The following AKR1C3 variants were observed in gnomAD, a reference collection of about 807,000 sequenced individuals.
AKR1C3 encodes 3-alpha hydroxysteroid dehydrogenase, type II.
AKR1C3 carries 48 observed loss-of-function variants against 43.6 expected under a neutral mutation model. That is an observed-to-expected ratio of 1.10 (90% CI 0.87 to 1.40). AKR1C3 has a LOEUF of 1.40. AKR1C3 is among the 40% of genes most tolerant of loss of function. The probability of loss-of-function intolerance (pLI) is 0.00; values close to 1 mark genes in which losing one functional copy is unlikely to be tolerated. For synonymous variants in AKR1C3, 162 were observed against 139.6 expected, an observed-to-expected ratio of 1.16 and a Z score of -1.13; for missense variants, 482 against 391.2, an observed-to-expected ratio of 1.23 and a Z score of -1.96.
At position 5,085,605 on chromosome 10, in the gene AKR1C3, G is replaced by T. The variant is rs181654472; in HGVS notation, c.85-10805G>T. On this transcript the variant is annotated intron_variant, in intron 1 of 8. Coordinates refer to the AKR1C3 transcript ENST00000439082. ...CTGGCCTCATTAAATGAGTTAGGGA[G>T]GATTCCCTCTTTTTCTATTGATTGG... 1.5e-3 allele frequency among the ~76,000 whole-genome samples: 233 copies of T among 151,946 alleles called. 8 individuals carry two copies. The highest frequency in any genetic ancestry group is 5.3e-3 in the African/African-American group (220 of 41,256).
chr10:5,064,264 C>T (rs10400188), intron 1 of AKR1C3, among the ~76,000 whole-genome samples: 80,377 of 151,998 alleles, frequency 0.53, 21,680 homozygotes, highest in East Asian at 0.79. Context: ...TAGAGAAGTC[C>T]CAGAAATAAT....
intron 1 of AKR1C3, among the ~76,000 whole-genome samples, chr10:5,052,471 G>C (rs1564350965): frequency 6.8e-6 from 1 of 147,770 alleles, no homozygotes. Context: ...ACAGAGAGCT[G>C]ATTGGTCTGT....
intron 8 of AKR1C3, among the ~76,000 whole-genome samples, chr10:5,106,084 A>G (rs1751870736): frequency 1.3e-5 from 2 of 152,136 alleles, no homozygotes; most frequent in South Asian, 4.1e-4. Flanking sequence ...ATTTCCATCA[A>G]CTTTGTGGTC....
At chr10:5,084,971 T>G (rs1838929208) in intron 1 of AKR1C3, among the ~76,000 whole-genome samples, 2 of 152,132 alleles carry the variant, frequency 1.3e-5, no homozygotes, top group African/African-American at 4.8e-5. Context: ...CTTGAGGAGA[T>G]TTTGGGCTGA....
intron 1 of AKR1C3, among the ~76,000 whole-genome samples, chr10:5,061,497 G>A (rs1838382305): frequency 6.6e-6 from 1 of 152,192 alleles, no homozygotes; most frequent in Non-Finnish European, 1.5e-5. Context: ...CAGAAGAAAT[G>A]ATTACAGGTC....
upstream of AKR1C3, chr10:5,094,216 C>T: frequency 3.2e-6 from 1 of 315,696 alleles, no homozygotes; most frequent in Non-Finnish European, 6.0e-6. Context: ...TTATTATAAC[C>T]ATATATTATA....
At chr10:5,048,899 A>G (rs545361304) in intron 1 of AKR1C3, 36 of 1,611,788 alleles carry the variant, frequency 2.2e-5, no homozygotes, top group Middle Eastern at 1.7e-4. Context: ...TCCAGAGGTA[A>G]TAATAATGTT....
chr10:5,050,025 C>T (rs148744865), intron 1 of AKR1C3, among the ~76,000 whole-genome samples: 159 of 112,014 alleles, frequency 1.4e-3, no homozygotes, highest in African/African-American at 6.2e-3. Flanking sequence ...CATGTGGCCG[C>T]ATTAGATGTT....
chr10:5,101,642 A>ATTCT (rs1839352884), intron 5 of AKR1C3, among the ~76,000 whole-genome samples: 1 of 152,200 alleles, frequency 6.6e-6, no homozygotes, highest in African/African-American at 2.4e-5. Flanking sequence ...GTTAGTGCTC[A>ATTCT]TTCTTACCCA....
At chr10:5,056,179 G>C (rs941242621) in intron 1 of AKR1C3, among the ~76,000 whole-genome samples, 3 of 152,128 alleles carry the variant, frequency 2.0e-5, no homozygotes, top group Non-Finnish European at 4.4e-5. Flanking sequence ...CCTAGATCTT[G>C]GGCCAGTGCC....
rs557188952 is a variant in AKR1C3, at chr10:5,070,156, T to C, written c.84+21261T>C. Among the ~76,000 whole-genome samples the C allele has an allele frequency of 1.6e-3, 249 of 152,302 alleles. 2 individuals are homozygous for C. The highest frequency in any genetic ancestry group is 5.7e-3 in the African/African-American group (237 of 41,566). ...CAGAATTCTGCAGTTTTCTCTGTGT[T>C]TAGGCACTGCCCACCAAGGAGAGAT... On this transcript the variant is annotated intron_variant, in intron 1 of 8. Transcript: ENST00000439082.
chr10:5,051,807 A>G (rs1588327731), intron 1 of AKR1C3, among the ~76,000 whole-genome samples: 1 of 152,350 alleles, frequency 6.6e-6, no homozygotes, highest in East Asian at 1.9e-4. Context: ...TTAACCAAAT[A>G]TAAGTCCACA....
chr10:5,075,209 T>G (rs944723933), intron 1 of AKR1C3, among the ~76,000 whole-genome samples: 2 of 152,326 alleles, frequency 1.3e-5, no homozygotes, highest in Admixed American at 1.3e-4. Flanking sequence ...CATTTTTTTT[T>G]TATAAACTTA....
Position 5,102,084 on chromosome 10 carries a change from CT to C in AKR1C3, c.571-13del. 2.7e-6 allele frequency: 4 copies of C among 1,503,716 alleles called. No homozygotes were observed. Among genetic ancestry groups the C allele is most frequent in the Non-Finnish European group, 3.7e-6 (4 of 1,083,542 alleles). 93.1% of individuals were successfully genotyped at this position (1,503,716 alleles called of 1,614,324 possible). On this transcript the variant is annotated splice_polypyrimidine_tract_variant and intron_variant, in intron 5 of 8. Coordinates refer to ENST00000380554, the MANE Select transcript of AKR1C3 (RefSeq NM_003739.6). ...ATTTCATATAAATTGATGCTTCTCT[CT>C]TTTGGTCAACTGCAGGTAGAATGTC...
chr10:5,091,016 T>C (rs181852620), upstream of AKR1C3, among the ~76,000 whole-genome samples: 15 of 151,970 alleles, frequency 9.9e-5, no homozygotes, highest in African/African-American at 2.4e-5. Flanking sequence ...GTCAGAATAG[T>C]GTGCATTCAA....
At chr10:5,094,904 C>G (rs763260015) in intron 1 of AKR1C3, among the ~76,000 whole-genome samples, 1 of 152,088 alleles carries the variant, frequency 6.6e-6, no homozygotes, top group South Asian at 2.1e-4. Context: ...CAAGAACATA[C>G]GATCCAGAGA....
intron 1 of AKR1C3, among the ~76,000 whole-genome samples, chr10:5,073,639 G>A (rs782397036): frequency 1.3e-5 from 2 of 152,130 alleles, no homozygotes; most frequent in Non-Finnish European, 2.9e-5. Flanking sequence ...TCTCAAGAGG[G>A]CCAAGGGCAG....
chr10:5,088,334 C>T (rs1554783582), intron 1 of AKR1C3, among the ~76,000 whole-genome samples: 2 of 151,564 alleles, frequency 1.3e-5, no homozygotes, highest in African/African-American at 2.4e-5. Flanking sequence ...TTATGATGTC[C>T]ATTTGGTTCA....
chr10:5,090,242 C>T (rs1196739986), upstream of AKR1C3, among the ~76,000 whole-genome samples: 1 of 152,024 alleles, frequency 6.6e-6, no homozygotes, highest in East Asian at 1.9e-4. Context: ...TAATTACCTG[C>T]AAATACCCCA....
Sources: allele counts gnomAD v4.1 joint callset (sites outside exome capture counted in the v4.1 genomes callset), GRCh38; gene constraint gnomAD v4.1.1; transcripts MANE v1.5; gene names NCBI Gene and HGNC (gene_info 2026-07-23, HGNC 2026-07-21).